Variants in SYT1 observed in about 807,000 individuals in gnomAD.
SYT1 encodes the protein synaptotagmin 1, also known as synaptotagmin-1.
In SYT1, 8 loss-of-function variants were observed where a neutral mutation model predicts 44.8. The ratio of observed to expected loss-of-function variants is 0.18; its 90% CI spans 0.10 to 0.32. The LOEUF is 0.32. Among genes scored for constraint, SYT1 ranks in the 10% least tolerant of loss-of-function variants. The pLI, the probability that SYT1 is intolerant of heterozygous loss-of-function variation, is 1.00. For missense variants in SYT1, 286 were observed against 509.3 expected (o/e 0.56, Z 4.22); for synonymous variants, 154 against 188.8 (o/e 0.82, Z 1.51).
intron 1 of SYT1, among the ~76,000 whole-genome samples, chr12:78,900,476 T>G (rs2137095909): frequency 6.6e-6 from 1 of 152,168 alleles, no homozygotes; most frequent in South Asian, 2.1e-4. Context: ...AAGTCTCCTT[T>G]GAACTGAGAT....
At chr12:79,186,189 G>A (rs1259763049) in intron 3 of SYT1, among the ~76,000 whole-genome samples, 3 of 151,824 alleles carry the variant, frequency 2.0e-5, no homozygotes, top group African/African-American at 7.3e-5. Flanking sequence ...TGAGTAATAT[G>A]ACATAAAGTT....
At chr12:79,277,404 T>C (rs1878797079) in intron 4 of SYT1, among the ~76,000 whole-genome samples, 1 of 152,190 alleles carries the variant, frequency 6.6e-6, no homozygotes, top group African/African-American at 2.4e-5. Context: ...AAGAATTTTG[T>C]ATCCTGCAAA....
intron 3 of SYT1, among the ~76,000 whole-genome samples, chr12:79,096,128 T>A (rs1437635278): frequency 6.6e-6 from 1 of 151,930 alleles, no homozygotes; most frequent in Non-Finnish European, 1.5e-5. Context: ...GATCATAACC[T>A]GTAGTGATAA....
chr12:79,156,238 C>T (rs190259783), intron 3 of SYT1, among the ~76,000 whole-genome samples: 2 of 152,220 alleles, frequency 1.3e-5, no homozygotes, highest in East Asian at 3.9e-4. Flanking sequence ...ACTTAGAAAG[C>T]CCACCATCAG....
intron 3 of SYT1, among the ~76,000 whole-genome samples, chr12:79,185,704 G>C (rs1351869552): frequency 1.3e-5 from 2 of 151,976 alleles, no homozygotes; most frequent in Non-Finnish European, 1.5e-5. Flanking sequence ...TATGTATATA[G>C]AAGTGACTTG....
At chr12:79,205,825 A>G (rs1473864725) in intron 3 of SYT1, among the ~76,000 whole-genome samples, 1 of 152,200 alleles carries the variant, frequency 6.6e-6, no homozygotes, top group African/African-American at 2.4e-5. Context: ...GTTGACTACA[A>G]TTGCTAAATA....
rs549891799 is a variant in SYT1, at chr12:79,064,926, G to GATAAAGAA, written c.-18+17565_-18+17566insTAAAGAAA. 1.8e-4 allele frequency among the ~76,000 whole-genome samples: 20 copies of GATAAAGAA among 111,530 alleles called. No individual in the cohort carries two copies. The Admixed American group carries it at 1.9e-3, about 10-fold the overall frequency. 73.2% of individuals were successfully genotyped at this position (111,530 alleles called of 152,430 possible). On this transcript the variant is annotated intron_variant, in intron 3 of 10. Transcript: ENST00000261205. Reference sequence around the variant, plus strand: ...CCCACTCTTTAGACAAAAAAATAGAGAGAAAGAAAGAAAGAAAGAAAGAAA... The same window carrying GATAAAGAA: ...CCCACTCTTTAGACAAAAAAATAGAGATAAAGAAAGAAAGAAAGAAAGAAAGAAAGAAA...
rs1404782852 is a variant in SYT1 at position 79,121,596 on chromosome 12, C to T, written c.-18+74234C>T. 3.3e-5 allele frequency among the ~76,000 whole-genome samples: 5 copies of T among 152,290 alleles called. No homozygotes were observed. In the South Asian group the frequency reaches 6.2e-4, roughly 19 times the overall value. ...TTGCTAACCACAATCACCCCCTCAC[C>T]CCATAACCTGCTCCCATGCCCATTT... On this transcript the variant is annotated intron_variant, in intron 3 of 10. Transcript: ENST00000261205.
At chr12:79,145,698 A>C (rs1264153078) in intron 3 of SYT1, among the ~76,000 whole-genome samples, 1 of 152,070 alleles carries the variant, frequency 6.6e-6, no homozygotes, top group Non-Finnish European at 1.5e-5. Context: ...TTTCAAACCC[A>C]AATAGTTGGA....
At chr12:78,979,780 C>A (rs1869110282) in intron 2 of SYT1, among the ~76,000 whole-genome samples, 1 of 151,906 alleles carries the variant, frequency 6.6e-6, no homozygotes, top group South Asian at 2.1e-4. Flanking sequence ...AGTTGCCAAA[C>A]AATGAATGAT....
intron 1 of SYT1, among the ~76,000 whole-genome samples, chr12:78,948,984 T>G (rs368216848): frequency 1.4e-5 from 2 of 143,324 alleles, no homozygotes; most frequent in Non-Finnish European, 3.0e-5. Flanking sequence ...TATTATATTA[T>G]ATTATATTAT....
intron 3 of SYT1, among the ~76,000 whole-genome samples, chr12:79,121,615 C>T (rs1320226716): frequency 2.6e-5 from 4 of 152,204 alleles, no homozygotes; most frequent in Admixed American, 6.5e-5. Flanking sequence ...TGCTCCCATG[C>T]CCATTTCTTA....
chr12:79,131,491 G>A (rs945185798), intron 3 of SYT1, among the ~76,000 whole-genome samples: 1 of 151,574 alleles, frequency 6.6e-6, no homozygotes, highest in Non-Finnish European at 1.5e-5. Flanking sequence ...TGTACTTTAG[G>A]GACTTCCACA....
chr12:79,180,794 C>A lies in SYT1; in HGVS notation c.-17-36709C>A, dbSNP rs563760306. Among the ~76,000 whole-genome samples the A allele has an allele frequency of 6.0e-4, 91 of 152,132 alleles. No homozygotes were observed. In the South Asian group the frequency reaches 0.018, roughly 30 times the overall value. ...TCCAATCACCTCCCAGCAGGCCCCACCTCCAACGTTGGGTGATATGGTTTG... is the reference window on the plus strand; with the variant it reads ...TCCAATCACCTCCCAGCAGGCCCCAACTCCAACGTTGGGTGATATGGTTTG... On this transcript the variant is annotated intron_variant, in intron 3 of 10. Transcript: ENST00000261205.
intron 2 of SYT1, among the ~76,000 whole-genome samples, chr12:78,997,080 C>T (rs1214983225): frequency 6.6e-6 from 1 of 152,188 alleles, no homozygotes; most frequent in African/African-American, 2.4e-5. Context: ...TTCTGGAAGT[C>T]TCTTAGAGGC....
chr12:79,280,080 C>T lies in SYT1; in HGVS notation c.167-5707C>T, dbSNP rs190947914. Among the ~76,000 whole-genome samples, 23 of 151,808 alleles carry T rather than the reference C, an allele frequency of 1.5e-4. No homozygotes were observed. The East Asian group carries it at 3.7e-3, about 24-fold the overall frequency. ...TGACCATACTATCCAAAGCAATCTT[C>T]GGACTCAATATAATTACTGTCAAAG... On this transcript the variant is annotated intron_variant, in intron 4 of 10. Coordinates refer to ENST00000261205, the MANE Select transcript of SYT1 (RefSeq NM_005639.3).
At chr12:79,276,566 C>T (rs1878736529) in intron 4 of SYT1, among the ~76,000 whole-genome samples, 1 of 151,440 alleles carries the variant, frequency 6.6e-6, no homozygotes, top group South Asian at 2.1e-4. Flanking sequence ...GTCCCAGCTA[C>T]TAGGGTGGCT....
chr12:79,018,499 A>T (rs974084341), intron 2 of SYT1, among the ~76,000 whole-genome samples: 6 of 152,104 alleles, frequency 3.9e-5, no homozygotes, highest in Non-Finnish European at 8.8e-5. Flanking sequence ...TAATAATAAT[A>T]AAAAATTGTA....
chr12:78,920,443 A>T (rs1026601216), intron 1 of SYT1, among the ~76,000 whole-genome samples: 2 of 152,020 alleles, frequency 1.3e-5, no homozygotes, highest in Non-Finnish European at 2.9e-5. Flanking sequence ...AGTATGGGTT[A>T]TTGGAATGGC....
Sources: allele counts gnomAD v4.1 joint callset (sites outside exome capture counted in the v4.1 genomes callset), GRCh38; gene constraint gnomAD v4.1.1; transcripts MANE v1.5; gene names NCBI Gene and HGNC (gene_info 2026-07-23, HGNC 2026-07-21).